NUCB1: variants seen among roughly 807,000 people sequenced by gnomAD.
NUCB1 encodes nucleobindin-1.
NUCB1 carries 47 observed loss-of-function variants against 61.2 expected under a neutral mutation model. The ratio of observed to expected loss-of-function variants is 0.77; its 90% CI spans 0.61 to 0.98. The LOEUF is 0.98. Ranked by LOEUF, NUCB1 falls within the 50% of genes least tolerant of loss-of-function variation. The pLI is 0.00. For synonymous variants in NUCB1, 234 were observed against 243.1 expected, an observed-to-expected ratio of 0.96 and a Z score of 0.35; for missense variants, 583 against 605.3, an observed-to-expected ratio of 0.96 and a Z score of 0.39.
intron 4 of NUCB1, 183 bp from the exon 5 acceptor site, chr19:48,910,957 GGTTATTATT>G: frequency 3.8e-6 from 2 of 525,200 alleles, no homozygotes; most frequent in Non-Finnish European, 6.9e-6. Flanking sequence ...TTTTTATTAT[GGTTATTATT>G]GTAAGCATCA....
In NUCB1 at chr19:48,910,451, C is replaced by T. The variant is rs142313312; in HGVS notation, c.377-698C>T. The stretch of plus-strand genomic sequence containing the variant: ...CTGTAATCACAACACTTTGGGAGGC[C>T]GAGGTGGGTGGATCACCTGAGGTCA... On this transcript the variant is annotated intron_variant, in intron 4 of 12. Coordinates refer to ENST00000405315, the MANE Select transcript of NUCB1 (RefSeq NM_006184.6). Among the ~76,000 whole-genome samples the T allele has an allele frequency of 3.8e-3, 580 of 150,850 alleles. 6 individuals are homozygous for T. The highest frequency in any genetic ancestry group is 0.013 in the African/African-American group (539 of 41,290).
intron 7 of NUCB1, 54 bp downstream of exon 7, chr19:48,913,618 C>CTAGG: frequency 7.0e-7 from 1 of 1,436,218 alleles, no homozygotes; most frequent in South Asian, 1.1e-5. Flanking sequence ...TCTGACCCTT[C>CTAGG]TAGGACCTGA....
At chr19:48,912,656 T>C (rs541370506) in intron 5 of NUCB1, among the ~76,000 whole-genome samples, 25 of 152,136 alleles carry the variant, frequency 1.6e-4, no homozygotes, top group South Asian at 2.1e-4. Flanking sequence ...GCCAACATGG[T>C]GAAACCTCGT....
At chr19:48,919,838 G>C (rs112852717) in intron 10 of NUCB1, among the ~76,000 whole-genome samples, 1 of 145,026 alleles carries the variant, frequency 6.9e-6, no homozygotes, top group Non-Finnish European at 1.5e-5. Context: ...GTGGGATCTC[G>C]GCTCACTGCA....
intron 7 of NUCB1, 125 bp from the exon 8 acceptor site, chr19:48,918,601 C>A: frequency 1.3e-6 from 1 of 767,368 alleles, no homozygotes; most frequent in Non-Finnish European, 2.3e-6. Context: ...CGTTCCACCG[C>A]GGGAGACCCG....
intron 6 of NUCB1, 61 bp downstream of exon 6, chr19:48,913,257 A>T: frequency 6.6e-7 from 1 of 1,512,430 alleles, no homozygotes; most frequent in Non-Finnish European, 8.9e-7. Flanking sequence ...GCAAGACAAG[A>T]AAGCAGTTAA....
At chr19:48,913,842 G>A (rs2037507885) in intron 7 of NUCB1, among the ~76,000 whole-genome samples, 1 of 152,138 alleles carries the variant, frequency 6.6e-6, no homozygotes, top group African/African-American at 2.4e-5. Flanking sequence ...CTAGGCCTGG[G>A]CCCTCTGCCC....
chr19:48,902,460 C>T (rs1490213974), intron 2 of NUCB1, among the ~76,000 whole-genome samples: 1 of 139,358 alleles, frequency 7.2e-6, no homozygotes, highest in African/African-American at 2.8e-5. Flanking sequence ...GTCACCCAAG[C>T]TGGAGTGCAG....
chr19:48,905,968 CTAGGCAGGTGA>C (rs2037407916), intron 4 of NUCB1, 83 bp downstream of exon 4: 1 of 1,102,308 alleles, frequency 9.1e-7, no homozygotes, highest in Non-Finnish European at 1.2e-6. Context: ...TGGTTGTGTG[CTAGGCAGGTGA>C]GGCCTCCCTC....
At chr19:48,920,053 A>G (rs1308495440) in intron 10 of NUCB1, among the ~76,000 whole-genome samples, 1 of 151,150 alleles carries the variant, frequency 6.6e-6, no homozygotes, top group Non-Finnish European at 1.5e-5. Flanking sequence ...ACAGGCATGC[A>G]CCACCGCACC....
intron 4 of NUCB1, among the ~76,000 whole-genome samples, chr19:48,909,793 C>T (rs2122179771): frequency 6.6e-6 from 1 of 152,180 alleles, no homozygotes; most frequent in East Asian, 1.9e-4. Context: ...CCTCCCACCT[C>T]AGTCTCCCAA....
rs2037495091 is a variant in NUCB1, at chr19:48,913,048, A to G, written c.518A>G (p.His173Arg). Residue 173 changes from histidine (H) to arginine (R), a missense_variant, in exon 6 of 13, where the codon CAT becomes CGT. Transcript: ENST00000405315. ...RDLAQYDAAH[H>R]EEFKRYEMLK... ...CTTGCCCAGTACGACGCAGCCCATCATGAAGAGTTCAAGCGCTACGAGATG... is the reference window on the plus strand; with the variant it reads ...CTTGCCCAGTACGACGCAGCCCATCGTGAAGAGTTCAAGCGCTACGAGATG... 3 of 1,613,510 alleles carry G rather than the reference A, an allele frequency of 1.9e-6. No individual in the cohort carries two copies. The highest frequency in any genetic ancestry group is 1.1e-5 in the South Asian group (1 of 91,064).
intron 7 of NUCB1, among the ~76,000 whole-genome samples, chr19:48,917,649 A>G (rs916784269): frequency 2.1e-4 from 32 of 152,088 alleles, no homozygotes; most frequent in Admixed American, 1.5e-3. Flanking sequence ...GGCACTTGGC[A>G]TTATGCCTGG....
At chr19:48,909,252 T>G (rs11667423) in intron 4 of NUCB1, among the ~76,000 whole-genome samples, 10 of 139,528 alleles carry the variant, frequency 7.2e-5, no homozygotes, top group African/African-American at 2.4e-4. Context: ...TATTATTATT[T>G]TTTTTTTTTT....
chr19:48,905,925 T>TGGGGG, intron 4 of NUCB1, 40 bp downstream of exon 4: 15 of 625,306 alleles, frequency 2.4e-5, no homozygotes, highest in Non-Finnish European at 2.9e-5. Context: ...CAGGGAGGGG[T>TGGGGG]GGGGAAGGGT....
rs377685916 is a variant in NUCB1, at chr19:48,913,109, A to C, written c.579A>C (p.Ser193=). 9.3e-6 allele frequency: 15 copies of C among 1,613,918 alleles called. No individual in the cohort carries two copies. Among genetic ancestry groups the C allele is most frequent in the African/African-American group, 1.3e-5 (1 of 74,996 alleles). The change falls in exon 6 of 13, where the codon TCA becomes TCC. Residue 193 remains serine, a synonymous_variant. Coordinates refer to ENST00000405315, the MANE Select transcript of NUCB1 (RefSeq NM_006184.6). ...KEHERRRYLE[S]LGEEQRKEAE... ...ACGAGAGACGGCGTTATCTGGAGTC[A>C]CTGGGAGAGGAGCAGAGAAAGGAGG...
chr19:48,918,985 G>C (rs2037573498), intron 8 of NUCB1, 45 bp from the exon 9 acceptor site: 1 of 1,575,144 alleles, frequency 6.3e-7, no homozygotes, highest in Admixed American at 1.7e-5. Context: ...GAATGAGCTC[G>C]CTGGGGACCT....
At chr19:48,904,594 A>C in intron 3 of NUCB1, 140 bp downstream of exon 3, 1 of 593,364 alleles carries the variant, frequency 1.7e-6, no homozygotes, top group Non-Finnish European at 3.0e-6. Flanking sequence ...GTGCGATCTC[A>C]GCTCACTGCA....
intron 4 of NUCB1, 145 bp downstream of exon 4, chr19:48,906,030 C>A: frequency 1.4e-6 from 1 of 724,348 alleles, no homozygotes; most frequent in Non-Finnish European, 2.3e-6. Flanking sequence ...GGAGATTGCC[C>A]CAGTGTTCCT....
Sources: gnomAD v4.1 joint callset for allele counts (sites outside exome capture counted in the v4.1 genomes callset) on GRCh38, gnomAD v4.1.1 for gene constraint, MANE v1.5 for transcripts, NCBI Gene and HGNC (gene_info 2026-07-23, HGNC 2026-07-21) for gene names.